Variants in MEGF11 observed in about 807,000 individuals in gnomAD.
The protein encoded by MEGF11 is multiple epidermal growth factor-like domains protein 11.
In MEGF11, 126 loss-of-function variants were observed where a neutral mutation model predicts 146.6. That is an observed-to-expected ratio of 0.86 (90% CI 0.74 to 1.00). The LOEUF (loss-of-function observed/expected upper bound fraction) is 1.00, where lower values mean the gene tolerates loss of function less well. Among genes scored for constraint, MEGF11 ranks in the 50% least tolerant of loss-of-function variants. The pLI, the probability that MEGF11 is intolerant of heterozygous loss-of-function variation, is 0.00. For synonymous variants in MEGF11, 532 were observed against 583.4 expected (o/e 0.91, Z 1.27); for missense variants, 1,509 against 1,521.2 (o/e 0.99, Z 0.13).
At chr15:66,048,869 T>C (rs1376983990) in intron 5 of MEGF11, among the ~76,000 whole-genome samples, 1 of 152,206 alleles carries the variant, frequency 6.6e-6, no homozygotes, top group Non-Finnish European at 1.5e-5. Flanking sequence ...TCCACAGGCA[T>C]TACCCCCTCC....
intron 10 of MEGF11, among the ~76,000 whole-genome samples, chr15:65,951,611 C>T (rs560438305): frequency 6.8e-4 from 104 of 152,214 alleles, no homozygotes; most frequent in African/African-American, 2.1e-3. Context: ...TGCGTGAACC[C>T]GGGAGGTGGA....
At chr15:66,015,939 TG>T (rs1025067154) in intron 5 of MEGF11, among the ~76,000 whole-genome samples, 1 of 55,038 alleles carries the variant, frequency 1.8e-5, no homozygotes. Context: ...TGGGAGTTGG[TG>T]GGGGGGCTCT....
At chr15:66,077,694 G>C (rs573831005) in intron 5 of MEGF11, among the ~76,000 whole-genome samples, 1 of 152,218 alleles carries the variant, frequency 6.6e-6, no homozygotes, top group Admixed American at 6.5e-5. Context: ...CAGGGGATAC[G>C]GGTGAGAGGG....
chr15:65,994,331 T>G (rs1261291358), intron 5 of MEGF11, among the ~76,000 whole-genome samples: 1 of 152,176 alleles, frequency 6.6e-6, no homozygotes, highest in East Asian at 1.9e-4. Context: ...CCTAAGGGAC[T>G]TTCTGCCTGG....
intron 1 of MEGF11, among the ~76,000 whole-genome samples, chr15:66,247,696 G>A (rs1472105293): frequency 1.3e-5 from 2 of 152,126 alleles, no homozygotes; most frequent in Non-Finnish European, 2.9e-5. Context: ...AGCTATGATA[G>A]CAGCACTGCA....
chr15:66,097,221 G>A (rs943527893), intron 4 of MEGF11, among the ~76,000 whole-genome samples: 2 of 152,206 alleles, frequency 1.3e-5, no homozygotes, highest in African/African-American at 4.8e-5. Flanking sequence ...TCAGGCTGCC[G>A]TATTTGGCAA....
chr15:65,975,862 C>T (rs1336901975), intron 7 of MEGF11, among the ~76,000 whole-genome samples: 2 of 151,994 alleles, frequency 1.3e-5, no homozygotes, highest in African/African-American at 4.8e-5. Context: ...CCCATATATC[C>T]TGAGACTGAG....
intron 4 of MEGF11, among the ~76,000 whole-genome samples, chr15:66,100,405 C>A (rs1290114097): frequency 6.6e-6 from 1 of 152,190 alleles, no homozygotes; most frequent in Non-Finnish European, 1.5e-5. Context: ...GGGACAAGGG[C>A]CGCACTTCAA....
Position 65,916,253 on chromosome 15 carries a change from T to C in MEGF11, c.2239A>G (p.Lys747Glu), listed in dbSNP as rs373932693. The C allele has an allele frequency of 3.4e-5, 53 of 1,556,980 alleles. No homozygotes were observed. Among genetic ancestry groups the C allele is most frequent in the Admixed American group, 2.5e-4 (13 of 51,470 alleles). ...CACTGGCATACGCGCCCACAGTCCT[T>C]CCCAAAAAATGCTGCTGGGCAGCCT... ...TQRCPAAFFG[K>E]DCGRVCQCQN... Residue 747 changes from lysine (K) to glutamate (E), a missense_variant, in exon 18 of 26, where the codon AAG becomes GAG. Lys to Glu is a moderately conservative substitution (Grantham distance 56). Coordinates refer to ENST00000395614, the MANE Select transcript of MEGF11 (RefSeq NM_001385028.1).
At chr15:65,960,400 A>G (rs557152163) in intron 9 of MEGF11, among the ~76,000 whole-genome samples, 5 of 152,384 alleles carry the variant, frequency 3.3e-5, no homozygotes, top group African/African-American at 1.2e-4. Context: ...CTGAGCCCCA[A>G]GGCACTGGAA....
intron 13 of MEGF11, 76 bp from the exon 14 acceptor site, chr15:65,923,045 G>T: frequency 6.7e-7 from 1 of 1,500,818 alleles, no homozygotes; most frequent in Non-Finnish European, 9.0e-7. Context: ...AAGGGGGACA[G>T]TGCAGTATGA....
At chr15:65,980,063 C>CA (rs1057209486) in intron 7 of MEGF11, among the ~76,000 whole-genome samples, 42 of 152,152 alleles carry the variant, frequency 2.8e-4, no homozygotes, top group African/African-American at 9.4e-4. Context: ...TGTGCAAGTG[C>CA]AGGGGGCGAA....
At chr15:66,180,032 C>T (rs1048961134) in intron 1 of MEGF11, among the ~76,000 whole-genome samples, 2 of 152,164 alleles carry the variant, frequency 1.3e-5, no homozygotes, top group African/African-American at 4.8e-5. Flanking sequence ...ACTCTATAAG[C>T]TCATTGGTAT....
At chr15:66,103,925 A>G (rs2086945152) in intron 4 of MEGF11, among the ~76,000 whole-genome samples, 1 of 152,232 alleles carries the variant, frequency 6.6e-6, no homozygotes, top group Non-Finnish European at 1.5e-5. Flanking sequence ...TCACAGCCGC[A>G]GCTTTTTCTG....
chr15:66,048,573 A>C (rs1193222699), intron 5 of MEGF11, among the ~76,000 whole-genome samples: 1 of 152,218 alleles, frequency 6.6e-6, no homozygotes, highest in Non-Finnish European at 1.5e-5. Flanking sequence ...ACTGATGACC[A>C]AGGGAAGCAA....
intron 1 of MEGF11, among the ~76,000 whole-genome samples, chr15:66,235,652 GCCAAA>G (rs1338898489): frequency 6.6e-6 from 1 of 152,012 alleles, no homozygotes; most frequent in Non-Finnish European, 1.5e-5. Context: ...CCCAATACCT[GCCAAA>G]ACCCTCCAGG....
intron 5 of MEGF11, among the ~76,000 whole-genome samples, chr15:66,007,175 G>C (rs1316535809): frequency 6.6e-6 from 1 of 152,196 alleles, no homozygotes; most frequent in Non-Finnish European, 1.5e-5. Context: ...CAGGCACTTT[G>C]GCTAGCCCTG....
intron 24 of MEGF11, chr15:65,905,192 C>T (rs1008265787): frequency 6.6e-5 from 10 of 152,266 alleles, no homozygotes; most frequent in African/African-American, 2.2e-4. Flanking sequence ...TGTGCCCGGC[C>T]TTAAGCTGTT....
At chr15:66,033,981 A>C (rs754856148) in intron 5 of MEGF11, among the ~76,000 whole-genome samples, 1 of 152,050 alleles carries the variant, frequency 6.6e-6, no homozygotes, top group African/African-American at 2.4e-5. Flanking sequence ...TAGTAGAGAC[A>C]GGGTTTTACC....
Sources: allele counts gnomAD v4.1 joint callset (sites outside exome capture counted in the v4.1 genomes callset), GRCh38; gene constraint gnomAD v4.1.1; transcripts MANE v1.5; gene names NCBI Gene and HGNC (gene_info 2026-07-23, HGNC 2026-07-21).